The following TNFRSF13B variants were observed in gnomAD, a reference collection of about 807,000 sequenced individuals.
TNFRSF13B encodes the protein tumor necrosis factor receptor superfamily member 13B.
A neutral mutation model predicts 24.0 loss-of-function variants in TNFRSF13B; 34 were observed. That is an observed-to-expected ratio of 1.41 (90% CI 1.08 to 1.88). The LOEUF (loss-of-function observed/expected upper bound fraction) is 1.88, where lower values mean the gene tolerates loss of function less well. Ranked by LOEUF, TNFRSF13B falls within the 40% of genes most tolerant of loss-of-function variation. The probability of loss-of-function intolerance (pLI) is 0.00; values close to 1 mark genes in which losing one functional copy is unlikely to be tolerated. For synonymous variants in TNFRSF13B, 173 were observed against 150.3 expected (o/e 1.15, Z -1.10); for missense variants, 415 against 380.8 (o/e 1.09, Z -0.75).
intron 1 of TNFRSF13B, among the ~76,000 whole-genome samples, chr17:16,959,883 A>G (rs1567655104): frequency 6.6e-6 from 1 of 152,116 alleles, no homozygotes; most frequent in Non-Finnish European, 1.5e-5. Context: ...ATTCTACCAA[A>G]ACATTTAAAA....
intron 1 of TNFRSF13B, among the ~76,000 whole-genome samples, chr17:16,962,307 GA>G (rs563659945): frequency 1.1e-3 from 163 of 152,290 alleles, no homozygotes; most frequent in African/African-American, 3.9e-3. Flanking sequence ...AGGAGTTCGA[GA>G]CCAGCCTGGC....
At chr17:16,961,399 TATG>T (rs553343274) in intron 1 of TNFRSF13B, among the ~76,000 whole-genome samples, 3 of 152,244 alleles carry the variant, frequency 2.0e-5, no homozygotes, top group Non-Finnish European at 4.4e-5. Flanking sequence ...CACAGGATAC[TATG>T]ATGTTATTAA....
intron 3 of TNFRSF13B, among the ~76,000 whole-genome samples, chr17:16,947,885 GATAC>G (rs2087559957): frequency 6.6e-6 from 1 of 152,160 alleles, no homozygotes; most frequent in East Asian, 1.9e-4. Context: ...CTACCAAAAA[GATAC>G]ATACACACGT....
At chr17:16,960,778 G>T (rs2087657033) in intron 1 of TNFRSF13B, among the ~76,000 whole-genome samples, 4 of 152,138 alleles carry the variant, frequency 2.6e-5, no homozygotes, top group Admixed American at 2.6e-4. Flanking sequence ...TAAAACTTTT[G>T]TGCACCAAAG....
chr17:16,951,462 G>A (rs1351865625), intron 2 of TNFRSF13B, among the ~76,000 whole-genome samples: 2 of 152,234 alleles, frequency 1.3e-5, no homozygotes, highest in Non-Finnish European at 2.9e-5. Flanking sequence ...GGGAAAACTG[G>A]ATATTGCCTG....
intron 1 of TNFRSF13B, among the ~76,000 whole-genome samples, chr17:16,967,624 T>C (rs956574039): frequency 3.3e-5 from 5 of 149,866 alleles, no homozygotes; most frequent in African/African-American, 4.9e-5. Flanking sequence ...TGGTGGTGGG[T>C]GCCTGTAGTC....
chr17:16,963,856 A>G (rs1161795561), intron 1 of TNFRSF13B, among the ~76,000 whole-genome samples: 1 of 152,074 alleles, frequency 6.6e-6, no homozygotes, highest in Non-Finnish European at 1.5e-5. Flanking sequence ...GGCCTTTCTC[A>G]TCCAGTCTTT....
At chr17:16,942,719 G>A (rs769432299) in intron 3 of TNFRSF13B, among the ~76,000 whole-genome samples, 10 of 152,208 alleles carry the variant, frequency 6.6e-5, no homozygotes, top group South Asian at 2.1e-4. Flanking sequence ...AATGAACGGC[G>A]TTGATTCAAG....
At position 16,939,480 on chromosome 17, in the gene TNFRSF13B, C is replaced by G; in HGVS notation, c.*67G>C. ...CTCCTCATATCTCTCTCCCCTCTCC[C>G]CACCTCTCTTTCTCTCTCCCCTCCT... On this transcript the variant is annotated 3_prime_UTR_variant, in exon 5 of 5. Coordinates refer to ENST00000261652, the MANE Select transcript of TNFRSF13B (RefSeq NM_012452.3). 6.5e-7 allele frequency: 1 copy of G among 1,532,962 alleles called. No individual in the cohort carries two copies. Among genetic ancestry groups the G allele is most frequent in the Non-Finnish European group, 8.8e-7 (1 of 1,132,084 alleles). The allele number at this position is 1,532,962 out of a possible 1,614,324, so 95.0% of individuals were successfully genotyped here.
chr17:16,948,183 T>C (rs2087562195), intron 3 of TNFRSF13B, among the ~76,000 whole-genome samples: 1 of 152,006 alleles, frequency 6.6e-6, no homozygotes, highest in African/African-American at 2.4e-5. Context: ...TGGGGCCTAC[T>C]AGAAGGGGGA....
At chr17:16,964,328 T>C in intron 1 of TNFRSF13B, among the ~76,000 whole-genome samples, 1 of 146,924 alleles carries the variant, frequency 6.8e-6, no homozygotes, top group South Asian at 2.2e-4. Context: ...GAGTCCACCA[T>C]CTCCATGCCT....
At chr17:16,953,655 A>G (rs6502540) in intron 1 of TNFRSF13B, among the ~76,000 whole-genome samples, 124,783 of 152,258 alleles carry the variant, frequency 0.82, 51,757 homozygotes, top group East Asian at 1. Flanking sequence ...GTTACTGTGA[A>G]TCTTCCACTG....
chr17:16,949,816 G>A (rs1359672301), intron 2 of TNFRSF13B, among the ~76,000 whole-genome samples: 7 of 151,684 alleles, frequency 4.6e-5, no homozygotes, highest in Admixed American at 4.6e-4. Context: ...CTCCCGAGTA[G>A]CTGGGATTAC....
At chr17:16,940,696 C>T in intron 3 of TNFRSF13B, 185 bp from the exon 4 acceptor site, 1 of 1,458,862 alleles carries the variant, frequency 6.9e-7, no homozygotes, top group Non-Finnish European at 9.0e-7. Context: ...TGATCCACTC[C>T]CCCATCCTGG....
intron 3 of TNFRSF13B, among the ~76,000 whole-genome samples, chr17:16,942,026 T>C (rs905220594): frequency 6.6e-6 from 1 of 152,192 alleles, no homozygotes; most frequent in Admixed American, 6.5e-5. Flanking sequence ...TTGCTTCCAC[T>C]TTCTGGCTAT....
chr17:16,944,157 T>C (rs2087531311), intron 3 of TNFRSF13B, among the ~76,000 whole-genome samples: 1 of 152,140 alleles, frequency 6.6e-6, no homozygotes, highest in Non-Finnish European at 1.5e-5. Context: ...ACCACACTCC[T>C]GCAGGCTGGG....
At chr17:16,969,930 C>T (rs1356267509) in intron 1 of TNFRSF13B, among the ~76,000 whole-genome samples, 10 of 152,140 alleles carry the variant, frequency 6.6e-5, no homozygotes, top group Admixed American at 4.6e-4. Context: ...CGCATATCAC[C>T]GTGAAGGGTT....
rs377155942 is a variant in TNFRSF13B at position 16,939,504 on chromosome 17, C to A, written c.*43G>T. The A allele has an allele frequency of 2.5e-6, 4 of 1,592,274 alleles. No homozygotes were observed. In the African/African-American group the frequency reaches 5.4e-5, roughly 21 times the overall value. ...CCCACCTCTCTTTCTCTCTCCCCTC[C>A]TCTCCATCTCTCTCCCTCCTCCTTT... is the stretch of plus-strand genomic sequence containing the variant. On this transcript the variant is annotated 3_prime_UTR_variant, in exon 5 of 5. Transcript: ENST00000261652.
At chr17:16,966,180 G>T (rs552159418) in intron 1 of TNFRSF13B, among the ~76,000 whole-genome samples, 2 of 151,848 alleles carry the variant, frequency 1.3e-5, no homozygotes, top group African/African-American at 2.4e-5. Flanking sequence ...CTCGAACCCA[G>T]TTGGGGGAAG....
Sources: allele counts gnomAD v4.1 joint callset (sites outside exome capture counted in the v4.1 genomes callset), GRCh38; gene constraint gnomAD v4.1.1; transcripts MANE v1.5; gene names NCBI Gene and HGNC (gene_info 2026-07-23, HGNC 2026-07-21).